Variants in CELF2 observed in about 807,000 individuals in gnomAD.
CELF2 encodes CUGBP Elav-like family member 2, also known as CUG triplet repeat RNA-binding protein 2.
In CELF2, 8 loss-of-function variants were observed where a neutral mutation model predicts 62.6. That is an observed-to-expected ratio of 0.13 (90% CI 0.07 to 0.23). The LOEUF (loss-of-function observed/expected upper bound fraction) is 0.23. Ranked by LOEUF, CELF2 falls within the 10% of genes least tolerant of loss-of-function variation. The probability of loss-of-function intolerance (pLI) is 1.00; values close to 1 mark genes in which losing one functional copy is unlikely to be tolerated. For missense variants in CELF2, 333 were observed against 671.0 expected (o/e 0.50, Z 5.56); for synonymous variants, 258 against 250.0 (o/e 1.03, Z -0.30).
intron 1 of CELF2, among the ~76,000 whole-genome samples, chr10:11,040,778 G>GT (rs1330742857): frequency 2.6e-5 from 4 of 151,946 alleles, no homozygotes; most frequent in African/African-American, 9.7e-5. Flanking sequence ...CCTTTCAGGT[G>GT]TTTTTCCATT....
At chr10:11,200,905 A>G (rs1410452216) in intron 2 of CELF2, among the ~76,000 whole-genome samples, 1 of 152,232 alleles carries the variant, frequency 6.6e-6, no homozygotes. Flanking sequence ...ATTGTTCATC[A>G]GTGAGGATGA....
the CELF2 span, among the ~76,000 whole-genome samples, chr10:10,603,554 A>G: frequency 6.6e-6 from 1 of 152,174 alleles, no homozygotes; most frequent in South Asian, 2.1e-4. Context: ...AATTATCACA[A>G]AAGTAGACTT....
At chr10:11,307,219 G>A (rs553637860) in intron 9 of CELF2, among the ~76,000 whole-genome samples, 40 of 152,356 alleles carry the variant, frequency 2.6e-4, no homozygotes, top group South Asian at 2.5e-3. Context: ...CTCTAGAAGC[G>A]CGCTCTGACG....
chr10:10,897,724 G>A (rs1188815996), intron 1 of CELF2, among the ~76,000 whole-genome samples: 1 of 152,126 alleles, frequency 6.6e-6, no homozygotes, highest in Admixed American at 6.5e-5. Flanking sequence ...GCACAGGAGA[G>A]CAACAAGCTT....
chr10:10,762,518 C>T, the CELF2 span, among the ~76,000 whole-genome samples: 3 of 152,114 alleles, frequency 2.0e-5, no homozygotes, highest in Non-Finnish European at 4.4e-5. Flanking sequence ...GAAGGGGAGT[C>T]ACCTATTCCA....
chr10:11,149,631 A>G (rs772077313), intron 1 of CELF2, among the ~76,000 whole-genome samples: 108 of 152,156 alleles, frequency 7.1e-4, no homozygotes, highest in Admixed American at 1.2e-3. Flanking sequence ...TTACTGCTGC[A>G]TCTCCCGTGC....
At chr10:11,052,514 G>A (rs1487101197) in intron 1 of CELF2, among the ~76,000 whole-genome samples, 1 of 152,180 alleles carries the variant, frequency 6.6e-6, no homozygotes, top group African/African-American at 2.4e-5. Flanking sequence ...GTGATGTCCT[G>A]TGGGTTATCA....
the CELF2 span, among the ~76,000 whole-genome samples, chr10:10,623,113 A>G: frequency 0.039 from 5,115 of 131,508 alleles, 311 homozygotes; most frequent in African/African-American, 0.1. Context: ...AAAAAAAAAA[A>G]AAAAAAAAAT....
At chr10:10,633,029 T>C in the CELF2 span, among the ~76,000 whole-genome samples, 1 of 152,232 alleles carries the variant, frequency 6.6e-6, no homozygotes, top group African/African-American at 2.4e-5. Flanking sequence ...TGAATGTCCA[T>C]ACCTTTCCTT....
At chr10:11,226,600 CCACACACACACA>C (rs59521803) in intron 3 of CELF2, among the ~76,000 whole-genome samples, 7,556 of 25,826 alleles carry the variant, frequency 0.29, 348 homozygotes, top group Middle Eastern at 0.41. Flanking sequence ...CAGGCAGTGG[CCACACACACACA>C]CACACACACA....
intron 2 of CELF2, among the ~76,000 whole-genome samples, chr10:10,921,881 G>T (rs757994161): frequency 6.6e-6 from 1 of 152,266 alleles, no homozygotes; most frequent in African/African-American, 2.4e-5. Flanking sequence ...GAAGGTACTC[G>T]ATAATCATGC....
chr10:11,175,661 A>G (rs1256586577), intron 2 of CELF2, among the ~76,000 whole-genome samples: 2 of 152,216 alleles, frequency 1.3e-5, no homozygotes, highest in African/African-American at 2.4e-5. Flanking sequence ...GGCTTAATGC[A>G]GAGCCCTTTT....
In CELF2 at chr10:11,329,274, C is replaced by T. The variant is rs2095919337; in HGVS notation, c.*221C>T. Reference sequence around the variant, plus strand: ...ACTTTGTTTCTATTGAGTAATTCCTCCTCCAGTTGTGCCACTGTATTCTCC... The same window carrying T: ...ACTTTGTTTCTATTGAGTAATTCCTTCTCCAGTTGTGCCACTGTATTCTCC... On this transcript the variant is annotated 3_prime_UTR_variant, in exon 13 of 13. Coordinates refer to ENST00000633077, the MANE Select transcript of CELF2 (RefSeq NM_001326342.2). This position sits in a 1 kb window ranked among gnomAD's most constrained non-coding sequence, Gnocchi z 5.5. The T allele has an allele frequency of 5.7e-6, 2 of 353,536 alleles. No homozygotes were observed. The highest frequency in any genetic ancestry group is 2.1e-5 in the African/African-American group (1 of 47,548). 21.9% of individuals were successfully genotyped at this position (353,536 alleles called of 1,614,324 possible).
intron 1 of CELF2, among the ~76,000 whole-genome samples, chr10:10,862,086 A>C (rs2060074186): frequency 6.6e-6 from 1 of 152,192 alleles, no homozygotes; most frequent in Non-Finnish European, 1.5e-5. Flanking sequence ...TAGAAATATT[A>C]ATGTATCATT....
chr10:10,797,366 AT>A (rs2054204626), upstream of CELF2, among the ~76,000 whole-genome samples: 1 of 151,508 alleles, frequency 6.6e-6, no homozygotes, highest in Admixed American at 6.6e-5. Context: ...CACTCTTAAC[AT>A]TGCGTAAACT....
chr10:10,999,694 C>T (rs543175292), intron 2 of CELF2, among the ~76,000 whole-genome samples: 13 of 152,294 alleles, frequency 8.5e-5, no homozygotes, highest in Middle Eastern at 3.4e-3. Context: ...CTTGCATTTC[C>T]GTCACGTGAT....
At chr10:10,889,087 A>C (rs2061960473) in intron 1 of CELF2, among the ~76,000 whole-genome samples, 1 of 152,226 alleles carries the variant, frequency 6.6e-6, no homozygotes, top group Non-Finnish European at 1.5e-5. Flanking sequence ...CAAAACTCTT[A>C]ATGTAAAACC....
chr10:11,195,253 T>C (rs1006401668), intron 2 of CELF2, among the ~76,000 whole-genome samples: 3 of 152,046 alleles, frequency 2.0e-5, no homozygotes, highest in Non-Finnish European at 4.4e-5. Flanking sequence ...TGTCTGAGAG[T>C]GTTAACTGCT....
intron 1 of CELF2, among the ~76,000 whole-genome samples, chr10:11,134,641 G>T (rs2060143215): frequency 6.6e-6 from 1 of 152,156 alleles, no homozygotes; most frequent in South Asian, 2.1e-4. Flanking sequence ...CACCTTGAAG[G>T]GTGCATCTGC....
Sources: gnomAD v4.1 joint callset for allele counts (sites outside exome capture counted in the v4.1 genomes callset) on GRCh38, gnomAD v4.1.1 for gene constraint, Gnocchi (gnomAD v3.1) non-coding constraint, MANE v1.5 for transcripts, NCBI Gene and HGNC (gene_info 2026-07-23, HGNC 2026-07-21) for gene names.